Variants in ADGRL3 observed in about 807,000 individuals in gnomAD.
ADGRL3 encodes the protein adhesion G protein-coupled receptor L3, also known as calcium-independent alpha-latrotoxin receptor 3.
In ADGRL3, 62 loss-of-function variants were observed where a neutral mutation model predicts 153.5. The observed-to-expected ratio is 0.40, with a 90% CI of 0.33 to 0.50. The LOEUF (loss-of-function observed/expected upper bound fraction) is 0.50. ADGRL3 is among the 20% of genes least tolerant of loss of function. The probability of loss-of-function intolerance (pLI) is 0.47; values close to 1 mark genes in which losing one functional copy is unlikely to be tolerated. For synonymous variants in ADGRL3, 710 were observed against 672.5 expected (o/e 1.06, Z -0.86); for missense variants, 1,641 against 1,859.4 (o/e 0.88, Z 2.16).
At chr4:61,661,339 C>T (rs2094587681) in intron 5 of ADGRL3, among the ~76,000 whole-genome samples, 1 of 151,986 alleles carries the variant, frequency 6.6e-6, no homozygotes, top group East Asian at 1.9e-4. Flanking sequence ...AAAATGATCA[C>T]TTTCAATTAT....
At position 61,534,027 on chromosome 4, in the gene ADGRL3, C is replaced by G. The variant is rs530501804; in HGVS notation, c.259+16509C>G. Among the ~76,000 whole-genome samples the G allele has an allele frequency of 3.9e-5, 6 of 152,144 alleles. 1 individual carries two copies. The highest frequency in any genetic ancestry group is 1.4e-4 in the African/African-American group (6 of 41,510). On this transcript the variant is annotated intron_variant, in intron 4 of 26. Coordinates refer to ENST00000683033, the MANE Select transcript of ADGRL3 (RefSeq NM_001387552.1). ...TTAGTCATAAATTATTTGCCTAGAC[C>G]AATGTACAGAAGAGTTTTTTCTAGG...
At chr4:61,389,663 A>G (rs1041995908) in intron 2 of ADGRL3, among the ~76,000 whole-genome samples, 3 of 152,178 alleles carry the variant, frequency 2.0e-5, no homozygotes, top group Non-Finnish European at 2.9e-5. Context: ...TTTCAAAACC[A>G]CAGTCAGAAT....
chr4:62,041,991 A>G (rs1728584402), intron 24 of ADGRL3, among the ~76,000 whole-genome samples: 1 of 152,038 alleles, frequency 6.6e-6, no homozygotes, highest in Non-Finnish European at 1.5e-5. Flanking sequence ...TTTCTAGTGT[A>G]TAGTATTACC....
intron 6 of ADGRL3, among the ~76,000 whole-genome samples, chr4:61,688,409 C>G (rs2095483990): frequency 6.6e-6 from 1 of 152,064 alleles, no homozygotes; most frequent in Admixed American, 6.6e-5. Context: ...TTGCCAGTTA[C>G]TAGCTGTGTT....
intron 8 of ADGRL3, among the ~76,000 whole-genome samples, chr4:61,809,737 G>A (rs925403187): frequency 6.6e-5 from 10 of 151,402 alleles, no homozygotes; most frequent in African/African-American, 2.2e-4. Flanking sequence ...ATTTATTATG[G>A]TGTTTTATGT....
intron 22 of ADGRL3, 88 bp from the exon 23 acceptor site, chr4:62,031,354 T>G: frequency 9.1e-7 from 1 of 1,103,986 alleles, no homozygotes; most frequent in Non-Finnish European, 1.3e-6. Flanking sequence ...ACTGTAACAT[T>G]TTTTTCAGTG....
intron 6 of ADGRL3, among the ~76,000 whole-genome samples, chr4:61,685,299 C>G (rs1395199279): frequency 6.6e-6 from 1 of 152,048 alleles, no homozygotes; most frequent in East Asian, 1.9e-4. Context: ...TTATCGCTGC[C>G]TACTATGGTC....
At chr4:61,269,034 A>G (rs2093010016) in intron 1 of ADGRL3, among the ~76,000 whole-genome samples, 1 of 151,714 alleles carries the variant, frequency 6.6e-6, no homozygotes, top group Non-Finnish European at 1.5e-5. Context: ...TTGTTAGGTC[A>G]GACATAATGG....
At chr4:61,739,647 G>A (rs114974708) in intron 8 of ADGRL3, among the ~76,000 whole-genome samples, 1,745 of 152,200 alleles carry the variant, frequency 0.011, 53 homozygotes, top group African/African-American at 0.04. Context: ...TTAAGATTAC[G>A]TGTATGCTCC....
chr4:61,774,809 G>A lies in ADGRL3; in HGVS notation c.1400-39000G>A, dbSNP rs2097128807. 2.0e-5 allele frequency among the ~76,000 whole-genome samples: 3 copies of A among 152,178 alleles called. No homozygotes were observed. In the South Asian group the frequency reaches 6.2e-4, roughly 32 times the overall value. ...ATTAAACTTTGTTATAGGTGTGTAT[G>A]TATGGGGAAAAACCTGGTATGTGTA... is the stretch of plus-strand genomic sequence containing the variant. On this transcript the variant is annotated intron_variant, in intron 8 of 26. Transcript: ENST00000683033.
intron 8 of ADGRL3, among the ~76,000 whole-genome samples, chr4:61,802,998 A>G (rs1342240230): frequency 1.3e-5 from 2 of 152,176 alleles, no homozygotes; most frequent in African/African-American, 2.4e-5. Flanking sequence ...AAATGAGACT[A>G]TAATATGAAG....
chr4:61,717,196 A>C (rs375722761), intron 6 of ADGRL3, among the ~76,000 whole-genome samples: 1 of 106,964 alleles, frequency 9.3e-6, no homozygotes, highest in Admixed American at 1.1e-4. Context: ...CACATAGTTT[A>C]TGTGTGTGTG....
chr4:61,878,844 T>G (rs2149462876), intron 9 of ADGRL3, among the ~76,000 whole-genome samples: 1 of 152,294 alleles, frequency 6.6e-6, no homozygotes, highest in South Asian at 2.1e-4. Flanking sequence ...AAGATCAGTC[T>G]ATGCTTCCAA....
intron 1 of ADGRL3, among the ~76,000 whole-genome samples, chr4:61,281,401 G>A (rs909838222): frequency 3.9e-5 from 6 of 151,938 alleles, no homozygotes; most frequent in South Asian, 4.1e-4. Flanking sequence ...AAAATCTCTC[G>A]CACATAAAAC....
chr4:61,932,027 A>C (rs894497461), intron 13 of ADGRL3, among the ~76,000 whole-genome samples: 1 of 152,052 alleles, frequency 6.6e-6, no homozygotes, highest in Non-Finnish European at 1.5e-5. Context: ...ACACACACAT[A>C]TACATTCATA....
chr4:62,070,702 C>A lies in ADGRL3; in HGVS notation c.4426C>A (p.Pro1476Thr), dbSNP rs1169791045. ...TGTTACCACCAGCACCCAGACCGAACCCCCACCGGCCAAATGTGGTGATGC... is the reference window on the plus strand; with the variant it reads ...TGTTACCACCAGCACCCAGACCGAAACCCCACCGGCCAAATGTGGTGATGC... ...ESVTTSTQTE[P>T]PPAKCGDAED... The change falls in exon 27 of 27, where the codon CCC becomes ACC. Residue 1476 changes from proline to threonine, a missense_variant. By Grantham distance (38) the Pro-to-Thr change is conservative. This residue lies in a region of ADGRL3 where 517 missense variants were observed against 555.0 expected (regional missense o/e 0.93). Transcript: ENST00000683033. The A allele has an allele frequency of 6.4e-7, 1 of 1,551,568 alleles. No individual in the cohort carries two copies. Among genetic ancestry groups the A allele is most frequent in the African/African-American group, 1.4e-5 (1 of 73,134 alleles).
intron 2 of ADGRL3, among the ~76,000 whole-genome samples, chr4:61,408,807 A>C (rs1220846686): frequency 6.6e-6 from 1 of 152,086 alleles, no homozygotes; most frequent in Non-Finnish European, 1.5e-5. Flanking sequence ...CTGAGTTTGG[A>C]TGATGCTAAA....
At chr4:61,569,536 G>A (rs1041992808) in intron 4 of ADGRL3, among the ~76,000 whole-genome samples, 1 of 152,084 alleles carries the variant, frequency 6.6e-6, no homozygotes, top group Non-Finnish European at 1.5e-5. Context: ...AATTTGAAAG[G>A]AGCCTGGGCA....
At chr4:61,817,237 G>A (rs1469227225) in intron 9 of ADGRL3, among the ~76,000 whole-genome samples, 1 of 151,214 alleles carries the variant, frequency 6.6e-6, no homozygotes, top group African/African-American at 2.4e-5. Context: ...CGGGCTGAAA[G>A]GGCCGGGTGT....
Sources: gnomAD v4.1 joint callset for allele counts (sites outside exome capture counted in the v4.1 genomes callset) on GRCh38, gnomAD v4.1.1 for gene constraint, gnomAD v4.1.1 regional missense constraint, MANE v1.5 for transcripts, NCBI Gene and HGNC (gene_info 2026-07-23, HGNC 2026-07-21) for gene names.